Variants in BACH2 observed in about 807,000 individuals in gnomAD.
The protein encoded by BACH2 is BACH transcriptional regulator 2.
Under a neutral mutation model 61.8 loss-of-function variants are expected in BACH2, and 5 were observed. The ratio of observed to expected loss-of-function variants is 0.08; its 90% confidence interval spans 0.04 to 0.17. The LOEUF (loss-of-function observed/expected upper bound fraction) is 0.17. Ranked by LOEUF, BACH2 falls within the 10% of genes least tolerant of loss-of-function variation. The probability of loss-of-function intolerance (pLI) is 1.00; values close to 1 mark genes in which losing one functional copy is unlikely to be tolerated. For synonymous variants in BACH2, 446 were observed against 440.1 expected, an observed-to-expected ratio of 1.01 and a Z score of -0.17; for missense variants, 824 against 1,091.1, an observed-to-expected ratio of 0.76 and a Z score of 3.45.
intron 7 of BACH2, among the ~76,000 whole-genome samples, chr6:89,943,392 G>A (rs1773550545): frequency 6.6e-6 from 1 of 151,694 alleles, no homozygotes; most frequent in African/African-American, 2.4e-5. Context: ...CAGTTAAAAG[G>A]AAACATTGAA....
chr6:90,279,526 A>AAC (rs1262297309), intron 1 of BACH2, among the ~76,000 whole-genome samples: 6 of 151,590 alleles, frequency 4.0e-5, no homozygotes, highest in Admixed American at 6.6e-5. Flanking sequence ...CCGTCTCAAA[A>AAC]AAAAAAAAAA....
intron 4 of BACH2, among the ~76,000 whole-genome samples, chr6:90,111,204 A>C (rs1349297213): frequency 1.3e-5 from 2 of 152,186 alleles, no homozygotes; most frequent in Non-Finnish European, 2.9e-5. Context: ...CCAGGAACCC[A>C]CAGACCACAC....
chr6:90,294,377 C>G (rs910209253), intron 1 of BACH2, among the ~76,000 whole-genome samples: 35 of 152,116 alleles, frequency 2.3e-4, no homozygotes, highest in African/African-American at 8.4e-4. Flanking sequence ...GGACTTCGCT[C>G]TATTTCAATG....
chr6:90,204,411 C>T (rs1159169338), intron 4 of BACH2, among the ~76,000 whole-genome samples: 1 of 152,132 alleles, frequency 6.6e-6, no homozygotes, highest in Non-Finnish European at 1.5e-5. Context: ...TATTCTTTGT[C>T]TTATGCCAAG....
At chr6:90,157,087 C>T (rs1055026800) in intron 4 of BACH2, among the ~76,000 whole-genome samples, 3 of 152,224 alleles carry the variant, frequency 2.0e-5, no homozygotes, top group Admixed American at 6.5e-5. Context: ...TATGACTTAA[C>T]CTGACTCTCA....
At chr6:90,081,946 CAACTCA>C (rs1183811272) in intron 5 of BACH2, among the ~76,000 whole-genome samples, 1 of 152,126 alleles carries the variant, frequency 6.6e-6, no homozygotes, top group Non-Finnish European at 1.5e-5. Flanking sequence ...GATACCAGCA[CAACTCA>C]AGGAGCTATA....
chr6:89,933,485 T>C (rs141033981), intron 8 of BACH2, among the ~76,000 whole-genome samples: 45 of 152,184 alleles, frequency 3.0e-4, no homozygotes, highest in East Asian at 1.4e-3. Flanking sequence ...TCCAAAACCA[T>C]AGAACGTGCA....
At chr6:89,989,668 T>C (rs1045090514) in intron 6 of BACH2, among the ~76,000 whole-genome samples, 1 of 152,168 alleles carries the variant, frequency 6.6e-6, no homozygotes, top group East Asian at 1.9e-4. Flanking sequence ...GGGCCCAAGT[T>C]GTCCCCATGT....
At chr6:89,937,223 T>G (rs997193187) in intron 8 of BACH2, among the ~76,000 whole-genome samples, 2 of 152,012 alleles carry the variant, frequency 1.3e-5, no homozygotes, top group Admixed American at 6.6e-5. Flanking sequence ...GCAAAGAATG[T>G]CAGGAGATCA....
chr6:89,935,253 A>C (rs1326259192), intron 8 of BACH2, among the ~76,000 whole-genome samples: 1 of 152,114 alleles, frequency 6.6e-6, no homozygotes, highest in Non-Finnish European at 1.5e-5. Flanking sequence ...GAAACAAAAC[A>C]CATCTGGGAT....
At chr6:90,274,572 G>A (rs115884692) in intron 1 of BACH2, among the ~76,000 whole-genome samples, 1,908 of 152,140 alleles carry the variant, frequency 0.013, 47 homozygotes, top group African/African-American at 0.043. Context: ...TATCACAGCC[G>A]CCCCCACCTG....
intron 2 of BACH2, among the ~76,000 whole-genome samples, chr6:90,263,331 A>C (rs776136884): frequency 7.5e-6 from 1 of 132,540 alleles, no homozygotes; most frequent in Non-Finnish European, 1.5e-5. Context: ...TTAGTTAGAC[A>C]GACAGCTTAA....
intron 5 of BACH2, among the ~76,000 whole-genome samples, chr6:90,034,245 C>T (rs993702229): frequency 6.6e-6 from 1 of 152,142 alleles, no homozygotes; most frequent in Non-Finnish European, 1.5e-5. Flanking sequence ...TACAATTGAC[C>T]GTATTTGAAA....
intron 4 of BACH2, among the ~76,000 whole-genome samples, chr6:90,172,143 T>TA (rs1767834669): frequency 6.6e-6 from 1 of 151,770 alleles, no homozygotes; most frequent in South Asian, 2.1e-4. Context: ...CCACCTCTAC[T>TA]AAAAATACAA....
At chr6:89,938,970 T>C (rs1763083336) in intron 7 of BACH2, among the ~76,000 whole-genome samples, 1 of 152,216 alleles carries the variant, frequency 6.6e-6, no homozygotes. Flanking sequence ...TTTCCTCATC[T>C]GAAAAATAGG....
intron 5 of BACH2, among the ~76,000 whole-genome samples, chr6:90,065,514 T>C (rs1368143729): frequency 5.3e-5 from 8 of 152,118 alleles, no homozygotes; most frequent in East Asian, 1.9e-4. Flanking sequence ...TCTGCTGTTG[T>C]AGTGCAGAAG....
chr6:90,161,377 C>T (rs1382179884), intron 4 of BACH2, among the ~76,000 whole-genome samples: 1 of 152,100 alleles, frequency 6.6e-6, no homozygotes, highest in Non-Finnish European at 1.5e-5. Context: ...TGAAACACAG[C>T]ACTTTACAAA....
At chr6:90,184,432 A>G (rs1768278966) in intron 4 of BACH2, among the ~76,000 whole-genome samples, 1 of 152,188 alleles carries the variant, frequency 6.6e-6, no homozygotes, top group Non-Finnish European at 1.5e-5. Context: ...AACCTCATCA[A>G]CAGTTGTTGC....
intron 1 of BACH2, among the ~76,000 whole-genome samples, chr6:90,276,037 T>C (rs1021044034): frequency 6.6e-6 from 1 of 151,990 alleles, no homozygotes; most frequent in African/African-American, 2.4e-5. Flanking sequence ...CCTACTTTCA[T>C]AGTTCAAATA....
Sources: allele counts gnomAD v4.1 joint callset (sites outside exome capture counted in the v4.1 genomes callset), GRCh38; gene constraint gnomAD v4.1.1; transcripts MANE v1.5; gene names NCBI Gene and HGNC (gene_info 2026-07-23, HGNC 2026-07-21).